The following TEX36 variants were observed in gnomAD, a reference collection of about 807,000 sequenced individuals.
TEX36 encodes testis expressed 36.
Under a neutral mutation model 13.6 loss-of-function variants are expected in TEX36, and 12 were observed. The observed-to-expected ratio is 0.88, with a 90% CI of 0.56 to 1.43. The LOEUF is 1.43. Ranked by LOEUF, TEX36 falls within the 40% of genes most tolerant of loss-of-function variation. The pLI is 0.00. For missense variants in TEX36, 224 were observed against 228.3 expected (o/e 0.98, Z 0.12); for synonymous variants, 93 against 83.0 (o/e 1.12, Z -0.65).
At chr10:125,621,941 C>T (rs1846433452) in intron 3 of TEX36, among the ~76,000 whole-genome samples, 1 of 152,202 alleles carries the variant, frequency 6.6e-6, no homozygotes, top group Admixed American at 6.5e-5. Flanking sequence ...AGATGGGATG[C>T]TGTCACCCAC....
At chr10:125,630,872 G>A (rs902760409) in intron 3 of TEX36, among the ~76,000 whole-genome samples, 3 of 152,116 alleles carry the variant, frequency 2.0e-5, no homozygotes, top group Non-Finnish European at 2.9e-5. Context: ...CTTCCAGGAT[G>A]TAGCTCTGGA....
intron 2 of TEX36, 75 bp downstream of exon 2, chr10:125,661,771 G>GC: frequency 6.6e-7 from 1 of 1,520,352 alleles, no homozygotes; most frequent in South Asian, 1.2e-5. Context: ...GAATTGTTTG[G>GC]CCCAACGTGC....
At chr10:125,604,495 AT>A (rs745438349) in intron 3 of TEX36, among the ~76,000 whole-genome samples, 5 of 150,530 alleles carry the variant, frequency 3.3e-5, no homozygotes, top group African/African-American at 5.0e-5. Flanking sequence ...AGGCAACATC[AT>A]GAGACCCCTG....
At chr10:125,646,649 T>G (rs527940847) in intron 3 of TEX36, among the ~76,000 whole-genome samples, 1 of 152,046 alleles carries the variant, frequency 6.6e-6, no homozygotes, top group South Asian at 2.1e-4. Context: ...ATGTAAACAT[T>G]CAAAATGTCA....
chr10:125,601,014 T>C (rs1846139122), intron 3 of TEX36, among the ~76,000 whole-genome samples: 3 of 152,248 alleles, frequency 2.0e-5, no homozygotes, highest in Admixed American at 2.0e-4. Context: ...GTTTTAGCTT[T>C]CTCATTTGGC....
At chr10:125,584,952 T>C (rs900070132) in intron 3 of TEX36, among the ~76,000 whole-genome samples, 1 of 152,230 alleles carries the variant, frequency 6.6e-6, no homozygotes, top group East Asian at 1.9e-4. Context: ...TCATAGATAG[T>C]CTTCAACATC....
chr10:125,582,046 G>A (rs1471631452), intron 3 of TEX36, among the ~76,000 whole-genome samples: 2 of 152,192 alleles, frequency 1.3e-5, no homozygotes. Flanking sequence ...CTCAGGGATG[G>A]GGTGGTTTTC....
chr10:125,603,075 G>T (rs1565171827), intron 3 of TEX36, among the ~76,000 whole-genome samples: 1 of 152,216 alleles, frequency 6.6e-6, no homozygotes, highest in Non-Finnish European at 1.5e-5. Flanking sequence ...AAGCATGACA[G>T]AACTGGGCAG....
At chr10:125,651,940 G>A (rs1157613034), downstream of TEX36, among the ~76,000 whole-genome samples, 1 of 152,194 alleles carries the variant, frequency 6.6e-6, no homozygotes, top group African/African-American at 2.4e-5. Flanking sequence ...CAAGGTATTT[G>A]TGAAGGAACT....
At chr10:125,676,007 C>T (rs544950973) in intron 1 of TEX36, among the ~76,000 whole-genome samples, 1 of 152,302 alleles carries the variant, frequency 6.6e-6, no homozygotes, top group South Asian at 2.1e-4. Context: ...TTTTTTTAAA[C>T]TGCTGAGACT....
At chr10:125,607,109 G>T (rs1846224926) in intron 3 of TEX36, among the ~76,000 whole-genome samples, 1 of 152,220 alleles carries the variant, frequency 6.6e-6, no homozygotes, top group South Asian at 2.1e-4. Context: ...GGGTGCTGCA[G>T]TCCTGGAAGA....
intron 3 of TEX36, among the ~76,000 whole-genome samples, chr10:125,656,760 T>C (rs1158291628): frequency 3.9e-5 from 6 of 152,008 alleles, no homozygotes; most frequent in Admixed American, 3.9e-4. Flanking sequence ...TTTAGAGACA[T>C]GGAAAGCAGA....
chr10:125,649,568 C>T (rs1051778873), intron 3 of TEX36, among the ~76,000 whole-genome samples: 3 of 152,174 alleles, frequency 2.0e-5, no homozygotes, highest in African/African-American at 7.2e-5. Context: ...TAAAGACCAT[C>T]AATGCTAGGA....
chr10:125,652,852 G>C (rs138534638), downstream of TEX36, among the ~76,000 whole-genome samples: 34 of 152,310 alleles, frequency 2.2e-4, no homozygotes, highest in East Asian at 6.6e-3. Flanking sequence ...CTTCTCAAAG[G>C]AAGACATTTA....
intron 3 of TEX36, among the ~76,000 whole-genome samples, chr10:125,634,798 C>T (rs1335786074): frequency 1.3e-5 from 2 of 152,122 alleles, no homozygotes; most frequent in South Asian, 2.1e-4. Context: ...TGCAATACGT[C>T]ATCATTGAGG....
chr10:125,614,663 C>T (rs1052618242), intron 3 of TEX36, among the ~76,000 whole-genome samples: 351 of 152,182 alleles, frequency 2.3e-3, no homozygotes, highest in Non-Finnish European at 3.9e-3. Context: ...GTACCAGTAC[C>T]ATGCTGTTTT....
intron 1 of TEX36, among the ~76,000 whole-genome samples, chr10:125,666,132 G>A (rs72631149): frequency 0.08 from 12,184 of 152,014 alleles, 1,275 homozygotes; most frequent in African/African-American, 0.24. Flanking sequence ...ATAATATCAT[G>A]TCCTCAGCAA....
At chr10:125,681,787 GCTCA>G (rs1472075619) in intron 1 of TEX36, among the ~76,000 whole-genome samples, 1 of 152,114 alleles carries the variant, frequency 6.6e-6, no homozygotes, top group East Asian at 1.9e-4. Context: ...GTTTCTATGT[GCTCA>G]CTCATTGTAC....
chr10:125,622,849 G>A (rs1263764292), intron 3 of TEX36, among the ~76,000 whole-genome samples: 1 of 152,222 alleles, frequency 6.6e-6, no homozygotes, highest in Non-Finnish European at 1.5e-5. Context: ...TTAGAGGCAG[G>A]AGGAGCCCAG....
Sources: gnomAD v4.1 joint callset for allele counts (sites outside exome capture counted in the v4.1 genomes callset) on GRCh38, gnomAD v4.1.1 for gene constraint, MANE v1.5 for transcripts, NCBI Gene and HGNC (gene_info 2026-07-23, HGNC 2026-07-21) for gene names.